The following JAK1 variants were observed in gnomAD, a reference collection of about 807,000 sequenced individuals.
The protein encoded by JAK1 is Janus kinase 1.
In JAK1, 16 loss-of-function variants were observed where a neutral mutation model predicts 136.6. The ratio of observed to expected loss-of-function variants is 0.12; its 90% CI spans 0.08 to 0.18. JAK1 has a LOEUF of 0.18. Among genes scored for constraint, JAK1 ranks in the 10% least tolerant of loss-of-function variants. JAK1 has a pLI of 1.00. For synonymous variants in JAK1, 492 were observed against 519.5 expected, an observed-to-expected ratio of 0.95 and a Z score of 0.72; for missense variants, 859 against 1,450.1, an observed-to-expected ratio of 0.59 and a Z score of 6.62.
At chr1:65,025,282 G>A (rs1236005996) in intron 2 of JAK1, among the ~76,000 whole-genome samples, 1 of 152,176 alleles carries the variant, frequency 6.6e-6, no homozygotes, top group Non-Finnish European at 1.5e-5. Flanking sequence ...AATGGTTAGA[G>A]CCCACCCGAA....
chr1:64,866,769 G>A, intron 7 of JAK1, 97 bp downstream of exon 7: 1 of 846,174 alleles, frequency 1.2e-6, no homozygotes, highest in Admixed American at 2.4e-5. Flanking sequence ...GCCTATGGGA[G>A]TGATGGACAT....
intron 2 of JAK1, chr1:64,993,611 CATTTT>C (rs1219083582): frequency 6.6e-6 from 1 of 151,888 alleles, no homozygotes; most frequent in Non-Finnish European, 1.5e-5. Flanking sequence ...ATGCTTTAGC[CATTTT>C]ATTTTATTTT....
rs754073577 is a variant in JAK1, at chr1:64,841,522, A to G, written c.2483T>C (p.Met828Thr). Residue 828 changes from methionine (M) to threonine (T), a missense_variant, in exon 18 of 25, where the codon ATG (methionine) becomes ACG (threonine). By Grantham distance (81) the Met-to-Thr change is moderately conservative (BLOSUM62 -1). Coordinates refer to ENST00000342505, the MANE Select transcript of JAK1 (RefSeq NM_002227.4). The part of the protein sequence containing the change: ...KELADLMTRC[M>T]NYDPNQRPFF... The stretch of plus-strand genomic sequence containing the variant: ...AGGCCTCTGATTGGGGTCATAGTTC[A>G]TGCAGCGGGTCATGAGGTCAGCCAG... 8 of 1,614,038 alleles carry G rather than the reference A, an allele frequency of 5.0e-6. No homozygotes were observed. The South Asian group carries it at 7.7e-5, about 16-fold the overall frequency.
chr1:64,956,228 G>A (rs1198714212), intron 1 of JAK1, among the ~76,000 whole-genome samples: 1 of 152,212 alleles, frequency 6.6e-6, no homozygotes, highest in African/African-American at 2.4e-5. Context: ...TTTTCAGGGT[G>A]GTGGATAGAG....
intron 4 of JAK1, chr1:64,876,186 AG>A (rs1644660094): frequency 6.6e-6 from 1 of 152,152 alleles, no homozygotes; most frequent in East Asian, 1.9e-4. Flanking sequence ...AGGTGGCAGG[AG>A]GGGAAAAGGC....
At chr1:64,914,849 C>T (rs1028381877) in intron 1 of JAK1, among the ~76,000 whole-genome samples, 3 of 152,182 alleles carry the variant, frequency 2.0e-5, no homozygotes, top group Non-Finnish European at 4.4e-5. Context: ...CAGGCATGAG[C>T]CACTGTGCCC....
chr1:65,044,165 G>A (rs11208575), intron 2 of JAK1, among the ~76,000 whole-genome samples: 32,974 of 152,036 alleles, frequency 0.22, 4,085 homozygotes, highest in African/African-American at 0.33. Context: ...CCCTATTTAC[G>A]TAACATTTTT....
chr1:65,057,988 T>C (rs1453115227), intron 1 of JAK1: 1 of 154,552 alleles, frequency 6.5e-6, no homozygotes, highest in African/African-American at 2.4e-5. Flanking sequence ...TGATGGACTT[T>C]TATTTATGCA....
At position 64,834,363 on chromosome 1, in the gene JAK1, C is replaced by T. The variant is rs550214272; in HGVS notation, c.*199G>A. ...TTATGTGTCACTAAGTTACTGGTAC[C>T]AAATTTAAAGAGGAAGTCCTTACAC... On this transcript the variant is annotated 3_prime_UTR_variant, in exon 25 of 25. Transcript: ENST00000342505. The T allele has an allele frequency of 4.1e-5, 17 of 417,250 alleles. No individual in the cohort carries two copies. Among genetic ancestry groups the T allele is most frequent in the African/African-American group, 2.8e-4 (14 of 50,436 alleles). The allele number at this position is 417,250 out of a possible 1,614,324, so 25.8% of individuals were successfully genotyped here.
chr1:65,026,715 A>T (rs1245158126), intron 2 of JAK1, among the ~76,000 whole-genome samples: 1 of 152,152 alleles, frequency 6.6e-6, no homozygotes, highest in Non-Finnish European at 1.5e-5. Flanking sequence ...CTGTAATCCC[A>T]GCACTTTGGG....
intron 1 of JAK1, among the ~76,000 whole-genome samples, chr1:65,047,753 C>CT (rs1557773689): frequency 6.6e-6 from 1 of 151,872 alleles, no homozygotes; most frequent in Non-Finnish European, 1.5e-5. Flanking sequence ...TCGCACAGAG[C>CT]TTACATTCTA....
chr1:64,951,438 A>T (rs10158586), intron 1 of JAK1, among the ~76,000 whole-genome samples: 12 of 152,114 alleles, frequency 7.9e-5, no homozygotes, highest in African/African-American at 2.9e-4. Flanking sequence ...AAGTCTCTTC[A>T]CAGGGTTCCT....
rs148822108 is a variant in JAK1, at chr1:64,863,681, C to A, written c.1176+1106G>T. Among the ~76,000 whole-genome samples the A allele has an allele frequency of 2.1e-3, 316 of 152,260 alleles. 1 individual carries two copies. Among genetic ancestry groups the A allele is most frequent in the African/African-American group, 7.3e-3 (305 of 41,544 alleles). On this transcript the variant is annotated intron_variant, in intron 8 of 24. Transcript: ENST00000342505. ...TATTTTGAACAAAACTGGTCCCATT[C>A]TATAGGTAAAGTTTTATATCCTGCT... is the stretch of plus-strand genomic sequence containing the variant.
intron 5 of JAK1, among the ~76,000 whole-genome samples, 189 bp from the exon 6 acceptor site, chr1:64,869,663 G>A (rs746908916): frequency 1.3e-5 from 2 of 152,120 alleles, no homozygotes; most frequent in African/African-American, 2.4e-5. Flanking sequence ...GTTCTCCCCC[G>A]CTCATTCATT....
At chr1:64,976,325 T>C (rs1249578358) in intron 2 of JAK1, among the ~76,000 whole-genome samples, 1 of 152,230 alleles carries the variant, frequency 6.6e-6, no homozygotes, top group East Asian at 1.9e-4. Flanking sequence ...CATGGACCCA[T>C]GCATTTTGAG....
rs774904102 is a variant in JAK1, at chr1:64,844,932, C to G, written c.2116-43G>C. ...CAAGTTTAGCCAAGCTGCTCCTTCC[C>G]GCATTCTATTTCCAACCCTGGTCCC... is the stretch of plus-strand genomic sequence containing the variant. On this transcript the variant is annotated intron_variant, in intron 15 of 24. Transcript: ENST00000342505. This position sits in a 1 kb window ranked among gnomAD's most constrained non-coding sequence, Gnocchi z 5.7. The G allele has an allele frequency of 1.2e-6, 2 of 1,613,106 alleles. No homozygotes were observed. Among genetic ancestry groups the G allele is most frequent in the Middle Eastern group, 1.7e-4 (1 of 6,052 alleles).
At chr1:64,846,336 A>G (rs2101005718) in intron 14 of JAK1, among the ~76,000 whole-genome samples, 1 of 152,120 alleles carries the variant, frequency 6.6e-6, no homozygotes, top group East Asian at 2.0e-4. Flanking sequence ...ACCTGCCCAG[A>G]GCTCCTTGGG....
rs1191771804 is a variant in JAK1, at chr1:64,926,378, C to T, written c.-78+39955G>A. Among the ~76,000 whole-genome samples, 23 of 136,170 alleles carry T rather than the reference C, an allele frequency of 1.7e-4. No homozygotes were observed. The Admixed American group carries it at 1.7e-3, about 10-fold the overall frequency. 89.3% of individuals were successfully genotyped at this position (136,170 alleles called of 152,430 possible). A position where few individuals can be genotyped will look rare whatever the true frequency, so the allele number is the denominator to read the frequency against. On this transcript the variant is annotated intron_variant, in intron 1 of 24. Coordinates refer to ENST00000342505, the MANE Select transcript of JAK1 (RefSeq NM_002227.4). ...ACAGCAGGATCCCCTCCCCCCACCC[C>T]CAAGTGGCTCCACACTGCCCAGGTG...
intron 1 of JAK1, among the ~76,000 whole-genome samples, chr1:64,951,318 C>T (rs1474476587): frequency 6.6e-6 from 1 of 152,106 alleles, no homozygotes; most frequent in Non-Finnish European, 1.5e-5. Flanking sequence ...GGCAATATTC[C>T]TCTTTCAATG....
Sources: gnomAD v4.1 joint callset for allele counts (sites outside exome capture counted in the v4.1 genomes callset) on GRCh38, gnomAD v4.1.1 for gene constraint, Gnocchi (gnomAD v3.1) non-coding constraint, MANE v1.5 for transcripts, NCBI Gene and HGNC (gene_info 2026-07-23, HGNC 2026-07-21) for gene names.